Variants in EIPR1 observed in about 807,000 individuals in gnomAD.
EIPR1 encodes the protein EARP and GARP complex-interacting protein 1.
In EIPR1, 25 loss-of-function variants were observed where a neutral mutation model predicts 48.1. The observed-to-expected ratio is 0.52, with a 90% CI of 0.38 to 0.73. The LOEUF is 0.73. Among genes scored for constraint, EIPR1 ranks in the 30% least tolerant of loss-of-function variants. The pLI is 0.00. For missense variants in EIPR1, 415 were observed against 506.2 expected, an observed-to-expected ratio of 0.82 and a Z score of 1.73; for synonymous variants, 204 against 201.9, an observed-to-expected ratio of 1.01 and a Z score of -0.09.
In EIPR1 at chr2:3,351,003, G is replaced by A. The variant is rs1417437104; in HGVS notation, c.126+3547C>T. On this transcript the variant is annotated intron_variant, in intron 2 of 8. Coordinates refer to ENST00000382125, the MANE Select transcript of EIPR1 (RefSeq NM_003310.5). ...TAAAACACTTTCTGTCATTTTGGGC[G>A]ATTTTTTTTTTTTTAGACAGAGTCT... 2.0e-4 allele frequency among the ~76,000 whole-genome samples: 25 copies of A among 124,330 alleles called. No individual in the cohort carries two copies. The East Asian group carries it at 2.1e-3, about 10-fold the overall frequency. The allele number at this position is 124,330 out of a possible 152,430, so 81.6% of individuals were successfully genotyped here.
intron 1 of EIPR1, among the ~76,000 whole-genome samples, chr2:3,367,894 A>C (rs770537001): frequency 5.9e-5 from 9 of 151,992 alleles, no homozygotes; most frequent in Non-Finnish European, 1.2e-4. Context: ...AAATACAAAA[A>C]ATTAGCCAGG....
intron 3 of EIPR1, among the ~76,000 whole-genome samples, chr2:3,307,337 C>T (rs779857731): frequency 1.3e-5 from 2 of 152,322 alleles, no homozygotes; most frequent in African/African-American, 4.8e-5. Flanking sequence ...AGTGTCTCCC[C>T]GGACCCAGCG....
intron 3 of EIPR1, among the ~76,000 whole-genome samples, chr2:3,299,718 C>A (rs964710395): frequency 1.3e-5 from 2 of 151,670 alleles, no homozygotes; most frequent in Admixed American, 1.3e-4. Context: ...TGCCAAATCA[C>A]GGAAGACAGA....
rs191523012 is a variant in EIPR1, at chr2:3,223,680, C to A, written c.417-9432G>T. ...TGCTTGTGAATCAATTCACAAGGGG[C>A]TGCTGGGGCCAGGTCAAGGTGCAGC... On this transcript the variant is annotated intron_variant, in intron 4 of 8. Transcript: ENST00000382125. Among the ~76,000 whole-genome samples, 145 of 152,292 alleles carry A rather than the reference C, an allele frequency of 9.5e-4. 1 individual carries two copies. Among genetic ancestry groups the A allele is most frequent in the Non-Finnish European group, 3.4e-4 (23 of 68,020 alleles).
At chr2:3,259,890 T>C (rs1364674255) in intron 3 of EIPR1, among the ~76,000 whole-genome samples, 1 of 152,220 alleles carries the variant, frequency 6.6e-6, no homozygotes, top group Non-Finnish European at 1.5e-5. Context: ...AAAATAAACT[T>C]GTATCCTACC....
chr2:3,337,630 G>A (rs1670106621), intron 3 of EIPR1, among the ~76,000 whole-genome samples: 1 of 152,100 alleles, frequency 6.6e-6, no homozygotes, highest in African/African-American at 2.4e-5. Context: ...GTGTGTGCAT[G>A]GAACTGCTCT....
chr2:3,311,985 A>C (rs1669145199), intron 3 of EIPR1, among the ~76,000 whole-genome samples: 1 of 152,220 alleles, frequency 6.6e-6, no homozygotes, highest in African/African-American at 2.4e-5. Flanking sequence ...ACAGAACCAC[A>C]TAAGGACCTG....
At chr2:3,273,989 G>A (rs944146070) in intron 3 of EIPR1, among the ~76,000 whole-genome samples, 4 of 152,138 alleles carry the variant, frequency 2.6e-5, no homozygotes, top group African/African-American at 9.7e-5. Context: ...AAATAATAAA[G>A]CATCTAGAAG....
At chr2:3,348,693 T>A (rs1670476324) in intron 2 of EIPR1, among the ~76,000 whole-genome samples, 1 of 152,240 alleles carries the variant, frequency 6.6e-6, no homozygotes, top group Non-Finnish European at 1.5e-5. Flanking sequence ...GCAGCTGCAT[T>A]ATGCAGTAAC....
At chr2:3,263,094 G>A (rs1667383590) in intron 3 of EIPR1, among the ~76,000 whole-genome samples, 1 of 152,232 alleles carries the variant, frequency 6.6e-6, no homozygotes, top group Admixed American at 6.5e-5. Context: ...AATGAGTTCG[G>A]GAGAGGGCAT....
At chr2:3,355,004 A>G (rs900820356) in intron 1 of EIPR1, among the ~76,000 whole-genome samples, 1 of 152,262 alleles carries the variant, frequency 6.6e-6, no homozygotes, top group African/African-American at 2.4e-5. Flanking sequence ...CAGCAATAGC[A>G]GAGTAGGGGG....
chr2:3,244,556 C>A (rs1666737155), intron 4 of EIPR1, among the ~76,000 whole-genome samples: 2 of 152,152 alleles, frequency 1.3e-5, no homozygotes, highest in African/African-American at 4.8e-5. Flanking sequence ...ATCATGAGGG[C>A]AAAGCCTTGG....
intron 3 of EIPR1, among the ~76,000 whole-genome samples, chr2:3,287,812 C>T (rs1415806184): frequency 6.6e-6 from 1 of 150,692 alleles, no homozygotes; most frequent in East Asian, 2.1e-4. Context: ...CTCTAGAAAG[C>T]TCATTCACCA....
chr2:3,351,277 A>G (rs531345058), intron 2 of EIPR1, among the ~76,000 whole-genome samples: 18 of 152,338 alleles, frequency 1.2e-4, no homozygotes, highest in Admixed American at 3.3e-4. Flanking sequence ...CTGGGATTAC[A>G]TGCGTGAGCG....
At chr2:3,254,582 C>T (rs1423874422) in intron 4 of EIPR1, among the ~76,000 whole-genome samples, 1 of 152,164 alleles carries the variant, frequency 6.6e-6, no homozygotes, top group East Asian at 1.9e-4. Context: ...GGGAATCAAG[C>T]CGAGTAAAGA....
chr2:3,313,993 C>T lies in EIPR1; in HGVS notation c.259+24024G>A, dbSNP rs933490297. Among the ~76,000 whole-genome samples the T allele has an allele frequency of 2.6e-5, 4 of 152,142 alleles. No individual in the cohort carries two copies. In the East Asian group the frequency reaches 5.8e-4, roughly 22 times the overall value. ...TCAATGGCCCTGAGCCGCTGGGACCCGGGGAGGGTGGCACTAGCTGACCCA... is the reference window on the plus strand; with the variant it reads ...TCAATGGCCCTGAGCCGCTGGGACCTGGGGAGGGTGGCACTAGCTGACCCA... On this transcript the variant is annotated intron_variant, in intron 3 of 8. Coordinates refer to ENST00000382125, the MANE Select transcript of EIPR1 (RefSeq NM_003310.5).
At chr2:3,231,370 G>C (rs566248604) in intron 4 of EIPR1, among the ~76,000 whole-genome samples, 72 of 152,192 alleles carry the variant, frequency 4.7e-4, no homozygotes, top group African/African-American at 1.6e-3. Context: ...AGAACTTCCA[G>C]TTATTATGAT....
At chr2:3,368,641 A>T (rs1242074242) in intron 1 of EIPR1, among the ~76,000 whole-genome samples, 1 of 152,252 alleles carries the variant, frequency 6.6e-6, no homozygotes, top group African/African-American at 2.4e-5. Context: ...TCAAAGAAAC[A>T]TGATTGCAGG....
intron 3 of EIPR1, among the ~76,000 whole-genome samples, chr2:3,284,628 A>T (rs909208443): frequency 6.6e-6 from 1 of 152,268 alleles, no homozygotes; most frequent in Non-Finnish European, 1.5e-5. Flanking sequence ...CACAAAGCAG[A>T]TGTTATTTCC....
Sources: allele counts gnomAD v4.1 joint callset (sites outside exome capture counted in the v4.1 genomes callset), GRCh38; gene constraint gnomAD v4.1.1; transcripts MANE v1.5; gene names NCBI Gene and HGNC (gene_info 2026-07-23, HGNC 2026-07-21).